Variants in RAET1L observed in about 807,000 individuals in gnomAD.
RAET1L encodes the protein UL16-binding protein 6.
In RAET1L, 16 loss-of-function variants were observed where a neutral mutation model predicts 23.9. The ratio of observed to expected loss-of-function variants is 0.67; its 90% CI spans 0.45 to 1.02. RAET1L has a LOEUF of 1.02. RAET1L is among the 50% of genes least tolerant of loss of function. The pLI, the probability that RAET1L is intolerant of heterozygous loss-of-function variation, is 0.00. For missense variants in RAET1L, 233 were observed against 304.0 expected (o/e 0.77, Z 1.74); for synonymous variants, 70 against 111.2 (o/e 0.63, Z 2.33).
chr6:150,020,582 G>T (rs1217487572), intron 3 of RAET1L, among the ~76,000 whole-genome samples: 2 of 152,178 alleles, frequency 1.3e-5, no homozygotes, highest in African/African-American at 4.8e-5. Flanking sequence ...CCAGGGAAAG[G>T]AAAGGAAAAG....
chr6:150,024,063 G>A (rs577063039), intron 1 of RAET1L, among the ~76,000 whole-genome samples: 1 of 152,252 alleles, frequency 6.6e-6, no homozygotes, highest in South Asian at 2.1e-4. Flanking sequence ...AGTTGGACCT[G>A]ATCCCCAGGA....
rs1359465575 is a variant in RAET1L, at chr6:150,018,809, G to A, written c.*69C>T. ...GCAGCTGGCCAGACAGAAGGGCGAG[G>A]TTGATCAAGACCGTGCTCACAGGGG... On this transcript the variant is annotated 3_prime_UTR_variant, in exon 5 of 5. Transcript: ENST00000367341. The A allele has an allele frequency of 6.4e-6, 2 of 313,276 alleles. No individual in the cohort carries two copies. The highest frequency in any genetic ancestry group is 6.2e-6 in the Non-Finnish European group (1 of 160,516). 19.4% of individuals were successfully genotyped at this position (313,276 alleles called of 1,614,324 possible). A position where few individuals can be genotyped will look rare whatever the true frequency, so the allele number is the denominator to read the frequency against.
At position 150,021,081 on chromosome 6, in the gene RAET1L, T is replaced by A; in HGVS notation, c.455A>T (p.Asp152Val). 6.2e-7 allele frequency: 1 copy of A among 1,614,188 alleles called. No homozygotes were observed. The highest frequency in any genetic ancestry group is 1.1e-5 in the South Asian group (1 of 91,082). The change falls in exon 3 of 5, where the codon GAC becomes GTC. Residue 152 changes from aspartate to valine, a missense_variant. This residue lies in a region of RAET1L where 139 missense variants were observed against 125.3 expected (regional missense o/e 1.11). Coordinates refer to ENST00000367341, the MANE Select transcript of RAET1L (RefSeq NM_130900.3). ...SIDGQTFLLF[D>V]SEKRMWTTVH... ...CGTTGTCCACATTCTCTTCTCTGAG[T>A]CAAAGAGTAGGAAGGTCTGTCCATC...
chr6:150,025,220 G>T (rs1050548796), intron 1 of RAET1L, among the ~76,000 whole-genome samples, 167 bp downstream of exon 1: 2 of 152,218 alleles, frequency 1.3e-5, no homozygotes, highest in African/African-American at 4.8e-5. Context: ...ACAGCCTTGG[G>T]GAGTGGACCC....
At chr6:150,021,401 C>G (rs1214157429) in intron 2 of RAET1L, among the ~76,000 whole-genome samples, 1 of 137,802 alleles carries the variant, frequency 7.3e-6, no homozygotes, top group East Asian at 2.0e-4. Context: ...TGCAGTGGCG[C>G]GATCTCGGCT....
chr6:150,019,774 C>T (rs1427031734), intron 4 of RAET1L, among the ~76,000 whole-genome samples: 1 of 130,720 alleles, frequency 7.6e-6, no homozygotes, highest in Non-Finnish European at 1.7e-5. Flanking sequence ...TTCCTGCTGC[C>T]TGCAGGCCAC....
intron 1 of RAET1L, among the ~76,000 whole-genome samples, chr6:150,024,244 G>A (rs1395960505): frequency 6.6e-6 from 1 of 152,130 alleles, no homozygotes; most frequent in Non-Finnish European, 1.5e-5. Flanking sequence ...GGCAAGGTAG[G>A]GCCACCTTCT....
rs778093935 is a variant in RAET1L at position 150,025,392 on chromosome 6, C to A, written c.80G>T (p.Arg27Leu). 4 of 1,613,646 alleles carry A rather than the reference C, an allele frequency of 2.5e-6. No individual in the cohort carries two copies. Among genetic ancestry groups the A allele is most frequent in the South Asian group, 1.1e-5 (1 of 91,042 alleles). The change falls in exon 1 of 5, where the codon CGA becomes CTA. Residue 27 changes from arginine to leucine, a missense_variant. This residue lies in a region of RAET1L where 42 missense variants were observed against 35.0 expected (regional missense o/e 1.20). Coordinates refer to ENST00000367341, the MANE Select transcript of RAET1L (RefSeq NM_130900.3). The stretch of plus-strand genomic sequence containing the variant: ...GGCTCCATCCACCAGCTCACCGTCT[C>A]GCCTAGCCCGGGACCAGCCGAACAG... ...FLLFGWSRAR[R>L]DDPHSLCYDI...
chr6:150,019,092 G>T (rs142441566), intron 4 of RAET1L, among the ~76,000 whole-genome samples: 113 of 152,314 alleles, frequency 7.4e-4, no homozygotes, highest in African/African-American at 2.6e-3. Flanking sequence ...GGGCCCACAG[G>T]TCTGAAGCTG....
chr6:150,020,424 G>T (rs1779871208), intron 3 of RAET1L, among the ~76,000 whole-genome samples, 185 bp from the exon 4 acceptor site: 1 of 152,074 alleles, frequency 6.6e-6, no homozygotes, highest in Non-Finnish European at 1.5e-5. Flanking sequence ...CTTGTCCTCA[G>T]GGAGCTCACA....
Position 150,021,086 on chromosome 6 carries a change from G to C in RAET1L, c.450C>G (p.Leu150=). Residue 150 remains leucine (L), a synonymous_variant, in exon 3 of 5, where the codon CTC becomes CTG. Transcript: ENST00000367341. ...TCCACATTCTCTTCTCTGAGTCAAA[G>C]AGTAGGAAGGTCTGTCCATCGATAC... ...QFSIDGQTFL[L]FDSEKRMWTT... The C allele has an allele frequency of 6.2e-7, 1 of 1,614,182 alleles. No homozygotes were observed. The highest frequency in any genetic ancestry group is 1.1e-5 in the South Asian group (1 of 91,080).
At chr6:150,019,258 C>T (rs1162429719) in intron 4 of RAET1L, among the ~76,000 whole-genome samples, 2 of 152,210 alleles carry the variant, frequency 1.3e-5, no homozygotes, top group African/African-American at 4.8e-5. Context: ...TCCTTCTTTC[C>T]CCTTCTTCTT....
At chr6:150,020,531 G>A (rs1261606730) in intron 3 of RAET1L, among the ~76,000 whole-genome samples, 2 of 152,150 alleles carry the variant, frequency 1.3e-5, no homozygotes, top group Admixed American at 6.5e-5. Flanking sequence ...AGGATCTCTG[G>A]CTGGTGTTGG....
Position 150,020,839 on chromosome 6 carries a change from A to C in RAET1L, c.631+66T>G, listed in dbSNP as rs535612724. 1.8e-5 allele frequency: 29 copies of C among 1,591,106 alleles called. No individual in the cohort carries two copies. The South Asian group carries it at 3.1e-4, about 17-fold the overall frequency. ...TGGGATGATTGAAGCTGAACTCAAG[A>C]ACTAACTTCTTGAGATCCCCATTTC... On this transcript the variant is annotated intron_variant, in intron 3 of 4. Coordinates refer to ENST00000367341, the MANE Select transcript of RAET1L (RefSeq NM_130900.3).
intron 2 of RAET1L, among the ~76,000 whole-genome samples, chr6:150,021,627 A>C (rs1582848236): frequency 4.4e-5 from 4 of 90,938 alleles, no homozygotes; most frequent in South Asian, 3.7e-4. Flanking sequence ...ACAAAGTCTC[A>C]CTCTGTTGCC....
At chr6:150,019,094 C>T (rs1779856213) in intron 4 of RAET1L, among the ~76,000 whole-genome samples, 1 of 152,194 alleles carries the variant, frequency 6.6e-6, no homozygotes, top group Non-Finnish European at 1.5e-5. Context: ...GCCCACAGGT[C>T]TGAAGCTGGT....
At chr6:150,023,515 G>T (rs531816618) in intron 1 of RAET1L, among the ~76,000 whole-genome samples, 2 of 152,294 alleles carry the variant, frequency 1.3e-5, no homozygotes, top group South Asian at 2.1e-4. Context: ...AATAGAGTTT[G>T]CTGTGAAGGG....
Position 150,018,743 on chromosome 6 carries a change from T to A in RAET1L, c.*135A>T. The A allele has an allele frequency of 5.1e-6, 1 of 195,408 alleles. No individual in the cohort carries two copies. Among genetic ancestry groups the A allele is most frequent in the South Asian group, 8.9e-5 (1 of 11,238 alleles). The allele number at this position is 195,408 out of a possible 1,614,324, so 12.1% of individuals were successfully genotyped here. A position where few individuals can be genotyped will look rare whatever the true frequency, so the allele number is the denominator to read the frequency against. On this transcript the variant is annotated 3_prime_UTR_variant, in exon 5 of 5. Transcript: ENST00000367341. ...AGCTATTGGGTCCATGGTGTCATCA[T>A]CATCTGCTGGAGGCTGCTGGACATA...
rs147068392 is a variant in RAET1L, at chr6:150,020,914, T to C, written c.622A>G (p.Ser208Gly). 2 of 1,614,014 alleles carry C rather than the reference T, an allele frequency of 1.2e-6. No individual in the cohort carries two copies. The highest frequency in any genetic ancestry group is 1.7e-5 in the Admixed American group (1 of 59,994). The change falls in exon 3 of 5, where the codon AGT becomes GGT. Residue 208 changes from serine (S) to glycine (G), a missense_variant. Physicochemically the swap from Ser to Gly is moderately conservative, Grantham distance 56. This residue lies in a region of RAET1L where 139 missense variants were observed against 125.3 expected (regional missense o/e 1.11). Transcript: ENST00000367341. Reference protein sequence around the residue: ...LMGMDSTLEPSAGAPLAMSSG... With the variant: ...LMGMDSTLEPGAGAPLAMSSG... ...CTTTTTCTCCTGTTACCTCCTGCAC[T>C]TGGCTCCAGGGTGCTGTCCATGCCC... is the stretch of plus-strand genomic sequence containing the variant.
Sources: allele counts gnomAD v4.1 joint callset (sites outside exome capture counted in the v4.1 genomes callset), GRCh38; gene constraint gnomAD v4.1.1; regional missense constraint gnomAD v4.1.1; transcripts MANE v1.5; gene names NCBI Gene and HGNC (gene_info 2026-07-23, HGNC 2026-07-21).